TMEM132B: variants seen among roughly 807,000 people sequenced by gnomAD.
TMEM132B encodes the protein transmembrane protein 132B.
TMEM132B carries 18 observed loss-of-function variants against 90.8 expected under a neutral mutation model. The ratio of observed to expected loss-of-function variants is 0.20; its 90% CI spans 0.14 to 0.29. The LOEUF is 0.29. TMEM132B is among the 10% of genes least tolerant of loss of function. TMEM132B has a pLI of 1.00. For synonymous variants in TMEM132B, 504 were observed against 523.3 expected, an observed-to-expected ratio of 0.96 and a Z score of 0.50; for missense variants, 1,096 against 1,326.8, an observed-to-expected ratio of 0.83 and a Z score of 2.70.
At chr12:125,319,352 G>A (rs1876368606) in intron 1 of TMEM132B, among the ~76,000 whole-genome samples, 1 of 152,192 alleles carries the variant, frequency 6.6e-6, no homozygotes, top group Admixed American at 6.5e-5. Context: ...GAGGGGAGAA[G>A]TAACGAGAAC....
chr12:125,592,112 T>C (rs1326611656), intron 5 of TMEM132B, among the ~76,000 whole-genome samples: 2 of 152,212 alleles, frequency 1.3e-5, no homozygotes, highest in Non-Finnish European at 2.9e-5. Context: ...CTGAGTCTTT[T>C]TTAAGATCTT....
chr12:125,296,677 G>C (rs1220656029), intron 1 of TMEM132B, among the ~76,000 whole-genome samples: 1 of 152,244 alleles, frequency 6.6e-6, no homozygotes, highest in Non-Finnish European at 1.5e-5. Context: ...ATAGAACCCA[G>C]CACCTGGCGG....
At chr12:125,396,760 C>A (rs1879180101) in intron 2 of TMEM132B, among the ~76,000 whole-genome samples, 1 of 152,106 alleles carries the variant, frequency 6.6e-6, no homozygotes, top group Admixed American at 6.6e-5. Flanking sequence ...ACCTGCCTTG[C>A]CCTCCCAAAG....
chr12:125,483,959 G>T (rs1169894455), intron 3 of TMEM132B, among the ~76,000 whole-genome samples: 2 of 152,202 alleles, frequency 1.3e-5, no homozygotes, highest in Non-Finnish European at 2.9e-5. Flanking sequence ...AACCTAACAT[G>T]AACATAATTG....
At chr12:125,577,437 C>G (rs1384723022) in intron 4 of TMEM132B, among the ~76,000 whole-genome samples, 1 of 150,902 alleles carries the variant, frequency 6.6e-6, no homozygotes, top group Non-Finnish European at 1.5e-5. Context: ...GGTTTCATTG[C>G]ATTGGTTTTC....
rs1436205113 is a variant in TMEM132B, at chr12:125,524,382, A to G, written c.1293+4757A>G. Among the ~76,000 whole-genome samples the G allele has an allele frequency of 2.6e-5, 4 of 152,212 alleles. No homozygotes were observed. In the East Asian group the frequency reaches 7.7e-4, roughly 29 times the overall value. On this transcript the variant is annotated intron_variant, in intron 4 of 8. Transcript: ENST00000682704. ...TATTGATTTGCCTGGGAAAATTTCA[A>G]TTATGATTACCTTCGAGGTAGGTGG...
intron 1 of TMEM132B, among the ~76,000 whole-genome samples, chr12:125,220,971 A>G (rs1873544380): frequency 6.6e-6 from 1 of 152,202 alleles, no homozygotes; most frequent in African/African-American, 2.4e-5. Flanking sequence ...TGCACGTGCA[A>G]TTCTGTTTGG....
At position 125,656,144 on chromosome 12, in the gene TMEM132B, C is replaced by T. The variant is rs1029245103; in HGVS notation, c.*1434C>T. 1 of 152,158 alleles carries T rather than the reference C, an allele frequency of 6.6e-6. No homozygotes were observed. The highest frequency in any genetic ancestry group is 2.4e-5 in the African/African-American group (1 of 41,444). 9.4% of individuals were successfully genotyped at this position (152,158 alleles called of 1,614,324 possible). A position where few individuals can be genotyped will look rare whatever the true frequency, so the allele number is the denominator to read the frequency against. The stretch of plus-strand genomic sequence containing the variant: ...ATGAATGGTCTTAAGGCAAAAATTT[C>T]AGATTAGCAAAATGTGATGACATAT... On this transcript the variant is annotated 3_prime_UTR_variant, in exon 9 of 9. Transcript: ENST00000682704.
chr12:125,355,600 A>T (rs1001557991), intron 2 of TMEM132B, among the ~76,000 whole-genome samples: 5 of 152,182 alleles, frequency 3.3e-5, no homozygotes, highest in African/African-American at 1.2e-4. Context: ...GTCCATTTGT[A>T]TATTCAGTCT....
intron 1 of TMEM132B, among the ~76,000 whole-genome samples, chr12:125,296,491 A>G (rs1436676257): frequency 6.6e-6 from 1 of 152,100 alleles, no homozygotes; most frequent in Non-Finnish European, 1.5e-5. Context: ...TCTCTGCTTC[A>G]CACTGTGACC....
At position 125,327,798 on chromosome 12, in the gene TMEM132B, A is replaced by T. The variant is rs936945821; in HGVS notation, c.68-21654A>T. 3.1e-4 allele frequency among the ~76,000 whole-genome samples: 46 copies of T among 147,434 alleles called. 1 individual carries two copies. The highest frequency in any genetic ancestry group is 6.2e-4 in the Non-Finnish European group (42 of 67,676). On this transcript the variant is annotated intron_variant, in intron 1 of 8. Coordinates refer to ENST00000682704, the MANE Select transcript of TMEM132B (RefSeq NM_001366854.1). ...GGGGTCTTCTATAGTCCAAGGTTTT[A>T]AAAAAAAAATCTGTGGCTGGCAGAT...
chr12:125,291,198 A>G (rs1415043840), intron 1 of TMEM132B, among the ~76,000 whole-genome samples: 1 of 152,218 alleles, frequency 6.6e-6, no homozygotes, highest in Non-Finnish European at 1.5e-5. Flanking sequence ...CACAGTGAGA[A>G]GGTGGCCATC....
chr12:125,282,045 AAAAAAAAAAAAAAAAG>A (rs1330480846), intron 1 of TMEM132B, among the ~76,000 whole-genome samples: 5,589 of 139,034 alleles, frequency 0.04, 263 homozygotes, highest in Non-Finnish European at 0.06. Context: ...AAAAAAAAAA[AAAAAAAAAAAAAAAAG>A]AGAGACTTTT....
At chr12:125,390,112 A>T (rs535502196) in intron 2 of TMEM132B, among the ~76,000 whole-genome samples, 2 of 152,310 alleles carry the variant, frequency 1.3e-5, no homozygotes, top group South Asian at 4.1e-4. Flanking sequence ...ACACAAATCC[A>T]TGACCCAGCA....
At position 125,427,250 on chromosome 12, in the gene TMEM132B, C is replaced by A. The variant is rs140529037; in HGVS notation, c.1106+11573C>A. On this transcript the variant is annotated intron_variant, in intron 3 of 8. Coordinates refer to ENST00000682704, the MANE Select transcript of TMEM132B (RefSeq NM_001366854.1). The stretch of plus-strand genomic sequence containing the variant: ...CTTTTCAGGATTCATTGGAAGCAGA[C>A]CTTCCTGATGCAACATTTATTGGGC... Among the ~76,000 whole-genome samples, 2 of 152,140 alleles carry A rather than the reference C, an allele frequency of 1.3e-5. 1 individual carries two copies. Among genetic ancestry groups the A allele is most frequent in the South Asian group, 4.1e-4 (2 of 4,826 alleles).
chr12:125,501,537 C>A (rs537843825), intron 3 of TMEM132B, among the ~76,000 whole-genome samples: 1 of 152,170 alleles, frequency 6.6e-6, no homozygotes, highest in Non-Finnish European at 1.5e-5. Flanking sequence ...TTCCCCACCC[C>A]ACCCCCGACA....
At chr12:125,243,010 CAT>C (rs763167605) in intron 1 of TMEM132B, among the ~76,000 whole-genome samples, 77 of 109,338 alleles carry the variant, frequency 7.0e-4, no homozygotes, top group Middle Eastern at 9.4e-3. Flanking sequence ...TCTCTTTCTT[CAT>C]ATATATATAT....
intron 1 of TMEM132B, among the ~76,000 whole-genome samples, chr12:125,205,562 C>G (rs1003881904): frequency 6.6e-6 from 1 of 152,212 alleles, no homozygotes; most frequent in Admixed American, 6.5e-5. Flanking sequence ...TTTCAGCAAC[C>G]CTGTAGACAA....
At position 125,654,933 on chromosome 12, in the gene TMEM132B, T is replaced by G. The variant is rs1472857312; in HGVS notation, c.*223T>G. 5.6e-6 allele frequency: 3 copies of G among 532,876 alleles called. No homozygotes were observed. Among genetic ancestry groups the G allele is most frequent in the Non-Finnish European group, 9.9e-6 (3 of 303,968 alleles). 33.0% of individuals were successfully genotyped at this position (532,876 alleles called of 1,614,324 possible). ...CCACATGTGGGGACTGGAGAAATTCTAAGACAACAGTTTTATGGACTGCCT... is the reference window on the plus strand; with the variant it reads ...CCACATGTGGGGACTGGAGAAATTCGAAGACAACAGTTTTATGGACTGCCT... On this transcript the variant is annotated 3_prime_UTR_variant, in exon 9 of 9. Coordinates refer to ENST00000682704, the MANE Select transcript of TMEM132B (RefSeq NM_001366854.1). The surrounding 1 kb of genome is among the most constrained non-coding windows in gnomAD (Gnocchi z 5.8).
Sources: gnomAD v4.1 joint callset for allele counts (sites outside exome capture counted in the v4.1 genomes callset) on GRCh38, gnomAD v4.1.1 for gene constraint, Gnocchi (gnomAD v3.1) non-coding constraint, MANE v1.5 for transcripts, NCBI Gene and HGNC (gene_info 2026-07-23, HGNC 2026-07-21) for gene names.